RFX3: variants seen among roughly 807,000 people sequenced by gnomAD.
The protein encoded by RFX3 is transcription factor RFX3.
A neutral mutation model predicts 98.6 loss-of-function variants in RFX3; 14 were observed. That is an observed-to-expected ratio of 0.14 (90% CI 0.09 to 0.22). The LOEUF (loss-of-function observed/expected upper bound fraction) is 0.22, where lower values mean the gene tolerates loss of function less well. Ranked by LOEUF, RFX3 falls within the 10% of genes least tolerant of loss-of-function variation. The pLI is 1.00. For missense variants in RFX3, 639 were observed against 926.9 expected (o/e 0.69, Z 4.03); for synonymous variants, 383 against 328.4 (o/e 1.17, Z -1.80).
intron 9 of RFX3, 55 bp downstream of exon 9, chr9:3,275,445 G>A (rs777500571): frequency 1.0e-5 from 10 of 974,388 alleles, no homozygotes; most frequent in African/African-American, 1.6e-5. Flanking sequence ...TTTTATATTA[G>A]CAAGTTATCT....
At chr9:3,300,604 A>G (rs1272125933) in intron 5 of RFX3, among the ~76,000 whole-genome samples, 1 of 151,834 alleles carries the variant, frequency 6.6e-6, no homozygotes, top group Non-Finnish European at 1.5e-5. Context: ...ATAAAATATG[A>G]AAAAGAAATA....
At chr9:3,278,438 A>C (rs1338627481) in intron 7 of RFX3, among the ~76,000 whole-genome samples, 1 of 151,790 alleles carries the variant, frequency 6.6e-6, no homozygotes, top group African/African-American at 2.4e-5. Context: ...CTGGCCTCCC[A>C]TTCTTTTTTT....
At chr9:3,476,072 G>C (rs2133288948) in intron 1 of RFX3, among the ~76,000 whole-genome samples, 1 of 152,088 alleles carries the variant, frequency 6.6e-6, no homozygotes, top group Middle Eastern at 3.4e-3. Context: ...TCCTATCTCT[G>C]TATGGCCTAG....
intron 2 of RFX3, among the ~76,000 whole-genome samples, chr9:3,378,455 A>G (rs1457636273): frequency 6.6e-6 from 1 of 151,994 alleles, no homozygotes; most frequent in Non-Finnish European, 1.5e-5. Flanking sequence ...CATATATATG[A>G]TATGTATAAG....
chr9:3,342,317 C>T (rs1833974496), intron 3 of RFX3, among the ~76,000 whole-genome samples: 1 of 152,150 alleles, frequency 6.6e-6, no homozygotes, highest in South Asian at 2.1e-4. Context: ...CTGAATCACA[C>T]AGTGTTTCAC....
intron 2 of RFX3, among the ~76,000 whole-genome samples, chr9:3,370,017 A>AT (rs1837650998): frequency 1.2e-5 from 1 of 81,244 alleles, no homozygotes; most frequent in East Asian, 3.3e-4. Flanking sequence ...TTTTTTTTGT[A>AT]TTTTTAGTAG....
At chr9:3,265,355 T>C (rs1237898153) in intron 12 of RFX3, among the ~76,000 whole-genome samples, 2 of 152,218 alleles carry the variant, frequency 1.3e-5, no homozygotes, top group Non-Finnish European at 2.9e-5. Context: ...GAAAGTTTTA[T>C]TGCAAACTTT....
chr9:3,256,672 G>C (rs1048243980), intron 14 of RFX3, among the ~76,000 whole-genome samples: 1 of 152,146 alleles, frequency 6.6e-6, no homozygotes, highest in African/African-American at 2.4e-5. Context: ...GTTGCAAGAG[G>C]GAGGACAGTT....
chr9:3,440,120 A>C (rs1845490112), intron 1 of RFX3, among the ~76,000 whole-genome samples: 1 of 152,102 alleles, frequency 6.6e-6, no homozygotes, highest in African/African-American at 2.4e-5. Context: ...TCTATTAAAG[A>C]AATCTATTAA....
intron 4 of RFX3, among the ~76,000 whole-genome samples, chr9:3,319,269 A>T (rs1830986888): frequency 6.6e-6 from 1 of 151,248 alleles, no homozygotes; most frequent in Non-Finnish European, 1.5e-5. Flanking sequence ...ATCGAAAGTC[A>T]TTGGGGTGAG....
At chr9:3,302,834 C>T (rs1052279068) in intron 4 of RFX3, among the ~76,000 whole-genome samples, 3 of 151,726 alleles carry the variant, frequency 2.0e-5, no homozygotes. Flanking sequence ...ATTATACCAA[C>T]ATTAAATCTA....
intron 2 of RFX3, among the ~76,000 whole-genome samples, chr9:3,352,199 A>T (rs2986682): frequency 0.19 from 28,361 of 151,944 alleles, 5,686 homozygotes; most frequent in African/African-American, 0.5. Flanking sequence ...AGCTTTGTGT[A>T]TACAAAAATA....
At chr9:3,288,641 G>C (rs1330128733) in intron 6 of RFX3, among the ~76,000 whole-genome samples, 2 of 151,932 alleles carry the variant, frequency 1.3e-5, no homozygotes, top group African/African-American at 4.8e-5. Flanking sequence ...ATAAAAATTA[G>C]TCAATGGAAT....
intron 1 of RFX3, among the ~76,000 whole-genome samples, chr9:3,401,413 A>G (rs1332979346): frequency 6.6e-6 from 1 of 152,194 alleles, no homozygotes; most frequent in African/African-American, 2.4e-5. Flanking sequence ...TACTCCCAGC[A>G]TAATAGCTTA....
At chr9:3,366,694 CTTTCT>C (rs1374556399) in intron 2 of RFX3, among the ~76,000 whole-genome samples, 1 of 8,304 alleles carries the variant, frequency 1.2e-4, no homozygotes, top group Non-Finnish European at 3.0e-4. Flanking sequence ...TCTTTCTTTC[CTTTCT>C]TTCTTTCTTT....
rs556547403 is a variant in RFX3 at position 3,428,044 on chromosome 9, T to C, written c.-8-32448A>G. 7.2e-5 allele frequency among the ~76,000 whole-genome samples: 11 copies of C among 152,228 alleles called. 2 individuals are homozygous for C. In the South Asian group the frequency reaches 2.3e-3, roughly 32 times the overall value. On this transcript the variant is annotated intron_variant, in intron 1 of 16. Coordinates refer to ENST00000617270, the MANE Select transcript of RFX3 (RefSeq NM_001282116.2). ...AATGCAGAGCAAATGTGGGGCTCTT[T>C]TTATGTATCTGCCTTCTCTCAATAA...
intron 1 of RFX3, among the ~76,000 whole-genome samples, chr9:3,409,125 G>C (rs1350216478): frequency 6.6e-6 from 1 of 152,162 alleles, no homozygotes; most frequent in Non-Finnish European, 1.5e-5. Flanking sequence ...GTAATATTCT[G>C]TCATTTTGCT....
intron 1 of RFX3, among the ~76,000 whole-genome samples, chr9:3,501,583 G>GTTTT (rs1816012842): frequency 7.6e-6 from 1 of 131,786 alleles, no homozygotes; most frequent in Admixed American, 8.2e-5. Context: ...TTGAGATAGA[G>GTTTT]TCTCACTCTT....
At chr9:3,292,421 A>T (rs1328961438) in intron 6 of RFX3, among the ~76,000 whole-genome samples, 1 of 152,186 alleles carries the variant, frequency 6.6e-6, no homozygotes. Context: ...AATTCAATTG[A>T]ACTATACTAT....
Sources: gnomAD v4.1 joint callset for allele counts (sites outside exome capture counted in the v4.1 genomes callset) on GRCh38, gnomAD v4.1.1 for gene constraint, MANE v1.5 for transcripts, NCBI Gene and HGNC (gene_info 2026-07-23, HGNC 2026-07-21) for gene names.